The following NEGR1 variants were observed in gnomAD, a reference collection of about 807,000 sequenced individuals.
NEGR1 encodes the protein neuronal growth regulator 1.
A neutral mutation model predicts 40.9 loss-of-function variants in NEGR1; 10 were observed. The ratio of observed to expected loss-of-function variants is 0.24; its 90% CI spans 0.15 to 0.42. The LOEUF (loss-of-function observed/expected upper bound fraction) is 0.42, where lower values mean the gene tolerates loss of function less well. Ranked by LOEUF, NEGR1 falls within the 10% of genes least tolerant of loss-of-function variation. The probability of loss-of-function intolerance (pLI) is 1.00; values close to 1 mark genes in which losing one functional copy is unlikely to be tolerated. For synonymous variants in NEGR1, 185 were observed against 166.8 expected (o/e 1.11, Z -0.84); for missense variants, 352 against 438.9 (o/e 0.80, Z 1.77).
intron 2 of NEGR1, among the ~76,000 whole-genome samples, chr1:71,885,513 C>A (rs762083190): frequency 3.3e-5 from 5 of 152,058 alleles, no homozygotes; most frequent in Admixed American, 6.6e-5. Context: ...GTTTTTTAAA[C>A]TTCTGTAGTA....
At chr1:71,590,521 G>C (rs1271681358) in intron 6 of NEGR1, among the ~76,000 whole-genome samples, 1 of 151,840 alleles carries the variant, frequency 6.6e-6, no homozygotes, top group African/African-American at 2.4e-5. Flanking sequence ...GCCGTGCTTT[G>C]CCGGGTGTAG....
At chr1:71,502,663 C>A (rs1466157783) in intron 6 of NEGR1, among the ~76,000 whole-genome samples, 1 of 152,106 alleles carries the variant, frequency 6.6e-6, no homozygotes, top group Non-Finnish European at 1.5e-5. Flanking sequence ...TATAGACAAA[C>A]CTGAAACTGT....
intron 6 of NEGR1, among the ~76,000 whole-genome samples, chr1:71,429,218 A>T (rs1340787715): frequency 6.6e-6 from 1 of 152,172 alleles, no homozygotes; most frequent in African/African-American, 2.4e-5. Flanking sequence ...TTCCTGAAAA[A>T]GTTATTTCTA....
chr1:71,654,945 T>A (rs1020826206), intron 4 of NEGR1, among the ~76,000 whole-genome samples: 1 of 151,982 alleles, frequency 6.6e-6, no homozygotes, highest in African/African-American at 2.4e-5. Flanking sequence ...ATTGTGAGAG[T>A]CACTGGTGAA....
rs1042588166 is a variant in NEGR1, at chr1:72,070,782, C to A, written c.177-135471G>T. ...TTCTTTGATACTTGTTATCTACTAA[C>A]TATATTAAACAAAAGTCTAGTTGAT... On this transcript the variant is annotated intron_variant, in intron 1 of 6. Coordinates refer to ENST00000357731, the MANE Select transcript of NEGR1 (RefSeq NM_173808.3). Among the ~76,000 whole-genome samples, 7 of 151,902 alleles carry A rather than the reference C, an allele frequency of 4.6e-5. No homozygotes were observed. The South Asian group carries it at 1.5e-3, about 32-fold the overall frequency.
chr1:71,862,224 A>C (rs1659971386), intron 2 of NEGR1, among the ~76,000 whole-genome samples: 2 of 152,218 alleles, frequency 1.3e-5, no homozygotes, highest in Non-Finnish European at 2.9e-5. Context: ...ACGAAATTTG[A>C]ACAAAAAGAA....
intron 3 of NEGR1, among the ~76,000 whole-genome samples, chr1:71,768,313 G>C (rs1228304158): frequency 6.6e-6 from 1 of 152,130 alleles, no homozygotes; most frequent in Non-Finnish European, 1.5e-5. Context: ...CAAGGCCTTG[G>C]GAACTCAGCC....
intron 6 of NEGR1, among the ~76,000 whole-genome samples, chr1:71,447,172 G>A (rs960569213): frequency 1.3e-5 from 2 of 152,184 alleles, no homozygotes; most frequent in African/African-American, 2.4e-5. Flanking sequence ...TCATAGGAGC[G>A]TGGAACCTAG....
intron 1 of NEGR1, among the ~76,000 whole-genome samples, chr1:72,091,182 G>A (rs1199656825): frequency 6.6e-6 from 1 of 152,160 alleles, no homozygotes; most frequent in Admixed American, 6.5e-5. Flanking sequence ...TGTCCAGTAA[G>A]AGAACATGAC....
intron 2 of NEGR1, among the ~76,000 whole-genome samples, chr1:71,841,724 T>G (rs2101802901): frequency 6.6e-6 from 1 of 152,316 alleles, no homozygotes; most frequent in East Asian, 1.9e-4. Context: ...TGCAATGTTC[T>G]TAACACAGCA....
At chr1:71,691,542 C>T (rs1477630662) in intron 4 of NEGR1, among the ~76,000 whole-genome samples, 1 of 151,740 alleles carries the variant, frequency 6.6e-6, no homozygotes, top group Non-Finnish European at 1.5e-5. Flanking sequence ...ATGAAAAAAA[C>T]AGAAATCTTC....
intron 1 of NEGR1, among the ~76,000 whole-genome samples, chr1:71,954,111 G>A (rs1646096527): frequency 6.6e-6 from 1 of 151,914 alleles, no homozygotes; most frequent in Admixed American, 6.6e-5. Flanking sequence ...TTTATAGACA[G>A]GAATCATTTA....
intron 6 of NEGR1, among the ~76,000 whole-genome samples, chr1:71,438,955 G>T (rs1453657333): frequency 6.6e-6 from 1 of 152,134 alleles, no homozygotes; most frequent in East Asian, 1.9e-4. Flanking sequence ...TTACTTAGGT[G>T]TCTGACTGAA....
chr1:71,980,869 A>G (rs1646348147), intron 1 of NEGR1, among the ~76,000 whole-genome samples: 1 of 152,052 alleles, frequency 6.6e-6, no homozygotes, highest in Admixed American at 6.6e-5. Context: ...CCCTCTCCTT[A>G]AAATGTTCTC....
chr1:72,130,823 T>C (rs761265348), intron 1 of NEGR1, among the ~76,000 whole-genome samples: 2 of 152,154 alleles, frequency 1.3e-5, no homozygotes, highest in Non-Finnish European at 2.9e-5. Context: ...ATGCTATCTC[T>C]ATATTATCTA....
intron 6 of NEGR1, among the ~76,000 whole-genome samples, chr1:71,473,762 T>G (rs1308057267): frequency 6.6e-6 from 1 of 152,096 alleles, no homozygotes; most frequent in Non-Finnish European, 1.5e-5. Context: ...CATCAAAATA[T>G]TCCCTTATCC....
intron 6 of NEGR1, among the ~76,000 whole-genome samples, chr1:71,523,848 A>G (rs768525818): frequency 6.6e-6 from 1 of 151,920 alleles, no homozygotes; most frequent in Non-Finnish European, 1.5e-5. Context: ...GAAATTTGCT[A>G]ATTTTGGACT....
At chr1:71,734,200 G>C (rs972862129) in intron 3 of NEGR1, among the ~76,000 whole-genome samples, 1 of 152,118 alleles carries the variant, frequency 6.6e-6, no homozygotes, top group South Asian at 2.1e-4. Context: ...GAATAGGACC[G>C]GCAATTACTG....
intron 6 of NEGR1, among the ~76,000 whole-genome samples, chr1:71,474,705 G>A (rs141941356): frequency 0.013 from 1,520 of 115,802 alleles, 28 homozygotes; most frequent in African/African-American, 0.047. Flanking sequence ...GTGGTGGAGC[G>A]AGACTCTATC....
Sources: allele counts gnomAD v4.1 joint callset (sites outside exome capture counted in the v4.1 genomes callset), GRCh38; gene constraint gnomAD v4.1.1; transcripts MANE v1.5; gene names NCBI Gene and HGNC (gene_info 2026-07-23, HGNC 2026-07-21).